COTL1: variants seen among roughly 807,000 people sequenced by gnomAD.
COTL1 encodes the protein coactosin-like protein.
Under a neutral mutation model 16.5 loss-of-function variants are expected in COTL1, and 15 were observed. The ratio of observed to expected loss-of-function variants is 0.91; its 90% confidence interval spans 0.61 to 1.40. COTL1 has a LOEUF of 1.40. Ranked by LOEUF, COTL1 falls within the 40% of genes most tolerant of loss-of-function variation. The probability of loss-of-function intolerance (pLI) is 0.00; values close to 1 mark genes in which losing one functional copy is unlikely to be tolerated. For synonymous variants in COTL1, 112 were observed against 85.3 expected (o/e 1.31, Z -1.73); for missense variants, 220 against 201.5 (o/e 1.09, Z -0.56).
chr16:84,569,820 G>C (rs576314575), intron 3 of COTL1, among the ~76,000 whole-genome samples: 5 of 152,352 alleles, frequency 3.3e-5, no homozygotes, highest in South Asian at 4.1e-4. Flanking sequence ...CGGCATGAGG[G>C]AGGGGCAGAG....
At chr16:84,591,932 C>T (rs1168661222) in intron 2 of COTL1, among the ~76,000 whole-genome samples, 5 of 152,078 alleles carry the variant, frequency 3.3e-5, no homozygotes, top group East Asian at 1.9e-4. Flanking sequence ...CGTGTGCATG[C>T]GGGTGCATGT....
intron 2 of COTL1, among the ~76,000 whole-genome samples, chr16:84,604,057 C>T (rs1032230062): frequency 1.2e-4 from 16 of 136,500 alleles, no homozygotes; most frequent in Non-Finnish European, 1.1e-4. Flanking sequence ...CTCCCGCTGC[C>T]CCACCACGGC....
intron 2 of COTL1, chr16:84,595,881 ATGTGTGTTATATATACATGTATGTGTATG>A (rs1325951800): frequency 5.3e-5 from 8 of 151,748 alleles, no homozygotes; most frequent in African/African-American, 1.9e-4. Context: ...GTATTTGTGT[ATGTGTGTTATATATACATGTATGTGTATG>A]TGTGTGTTAT....
intron 2 of COTL1, chr16:84,615,996 C>G (rs370668996): frequency 1.3e-5 from 2 of 152,306 alleles, no homozygotes; most frequent in South Asian, 4.1e-4. Flanking sequence ...AAGAAACACC[C>G]ACATGATCCC....
At chr16:84,576,203 G>A (rs762713875) in intron 3 of COTL1, 2 of 152,254 alleles carry the variant, frequency 1.3e-5, no homozygotes, top group Non-Finnish European at 2.9e-5. Flanking sequence ...AGGGAACAAG[G>A]AGGCCTGTCG....
Position 84,590,161 on chromosome 16 carries a change from C to A in COTL1, c.262G>T (p.Gly88Trp), listed in dbSNP as rs758152831. Residue 88 changes from glycine to tryptophan, a missense_variant, in exon 3 of 4, where the codon GGG becomes TGG. Transcript: ENST00000262428. This position sits in a 1 kb window ranked among gnomAD's most constrained non-coding sequence, Gnocchi z 5.5. ...GTCCCGGTTTTGGCGCGCTGCAGCCCGCTGACGTTCTCACCGATCCACGTG... is the reference window on the plus strand; with the variant it reads ...GTCCCGGTTTTGGCGCGCTGCAGCCAGCTGACGTTCTCACCGATCCACGTG... ...LITWIGENVS[G>W]LQRAKTGTDK... The A allele has an allele frequency of 6.2e-7, 1 of 1,614,022 alleles. No homozygotes were observed. The highest frequency in any genetic ancestry group is 1.3e-5 in the African/African-American group (1 of 74,916).
At position 84,590,167 on chromosome 16, in the gene COTL1, C is replaced by T. The variant is rs750865355; in HGVS notation, c.256G>A (p.Val86Ile). 1.6e-5 allele frequency: 26 copies of T among 1,614,054 alleles called. No individual in the cohort carries two copies. The highest frequency in any genetic ancestry group is 6.7e-5 in the African/African-American group (5 of 74,922). Residue 86 changes from valine (V) to isoleucine (I), a missense_variant, in exon 3 of 4, where the codon GTC (valine) becomes ATC (isoleucine). Val to Ile is a conservative substitution (Grantham distance 29). Coordinates refer to ENST00000262428, the MANE Select transcript of COTL1 (RefSeq NM_021149.5). The surrounding 1 kb of genome is among the most constrained non-coding windows in gnomAD (Gnocchi z 5.5). ...FALITWIGEN[V>I]SGLQRAKTGT... ...GTTTTGGCGCGCTGCAGCCCGCTGA[C>T]GTTCTCACCGATCCACGTGATGAGG...
At chr16:84,600,416 G>A (rs1439676424) in intron 2 of COTL1, among the ~76,000 whole-genome samples, 4 of 150,794 alleles carry the variant, frequency 2.7e-5, no homozygotes, top group Non-Finnish European at 4.4e-5. Flanking sequence ...GGGTTCAAGC[G>A]ATTCTCCTGC....
chr16:84,567,742 G>A (rs1244414003), intron 3 of COTL1: 2 of 152,234 alleles, frequency 1.3e-5, no homozygotes, highest in Non-Finnish European at 2.9e-5. Context: ...AGAACCCGCA[G>A]GCACCCATGA....
intron 3 of COTL1, among the ~76,000 whole-genome samples, chr16:84,578,395 C>T (rs777106801): frequency 2.0e-5 from 3 of 152,202 alleles, no homozygotes; most frequent in African/African-American, 4.8e-5. Flanking sequence ...ATACTATCTA[C>T]GTAACACTTC....
intron 3 of COTL1, among the ~76,000 whole-genome samples, chr16:84,573,342 C>A (rs892311266): frequency 6.6e-6 from 1 of 152,210 alleles, no homozygotes; most frequent in East Asian, 1.9e-4. Context: ...CTAGACAGAA[C>A]ACGAAAGCGT....
intron 3 of COTL1, among the ~76,000 whole-genome samples, chr16:84,584,071 C>G (rs1163297394): frequency 6.6e-6 from 1 of 152,254 alleles, no homozygotes; most frequent in Admixed American, 6.5e-5. Flanking sequence ...CCAGCGGTCA[C>G]TGCATTGTCC....
chr16:84,572,529 C>T (rs1442826204), intron 3 of COTL1, among the ~76,000 whole-genome samples: 5 of 151,988 alleles, frequency 3.3e-5, no homozygotes, highest in African/African-American at 4.8e-5. Flanking sequence ...GGTGCGATCT[C>T]GGCTCACTGC....
Position 84,590,377 on chromosome 16 carries a change from G to A in COTL1, c.161-115C>T. 3 of 1,248,426 alleles carry A rather than the reference G, an allele frequency of 2.4e-6. No individual in the cohort carries two copies. The highest frequency in any genetic ancestry group is 2.9e-5 in the South Asian group (2 of 69,804). 77.3% of individuals were successfully genotyped at this position (1,248,426 alleles called of 1,614,324 possible). ...CCTGGAGCAGCACAGCAGGAGACCG[G>A]TGCAGTTCCCTGGGAGCACCATGTG... On this transcript the variant is annotated intron_variant, in intron 2 of 3. Coordinates refer to ENST00000262428, the MANE Select transcript of COTL1 (RefSeq NM_021149.5). This position sits in a 1 kb window ranked among gnomAD's most constrained non-coding sequence, Gnocchi z 5.5.
At chr16:84,589,482 T>C (rs1246102133) in intron 3 of COTL1, among the ~76,000 whole-genome samples, 1 of 152,140 alleles carries the variant, frequency 6.6e-6, no homozygotes, top group Non-Finnish European at 1.5e-5. Context: ...CCCTACTTCA[T>C]GGGTTGTGAG....
In COTL1 at chr16:84,586,404, A is replaced by C. The variant is rs1007458643; in HGVS notation, c.318+3701T>G. ...CCCTCAGTCACCGGCGCACCTACCC[A>C]AACTGAAAAGAGTTCTAGAGAGGAA... is the stretch of plus-strand genomic sequence containing the variant. On this transcript the variant is annotated intron_variant, in intron 3 of 3. Transcript: ENST00000262428. 2.0e-5 allele frequency among the ~76,000 whole-genome samples: 3 copies of C among 152,264 alleles called. No individual in the cohort carries two copies. The Middle Eastern group carries it at 0.01, about 518-fold the overall frequency.
chr16:84,581,619 G>A (rs2967847), intron 3 of COTL1, among the ~76,000 whole-genome samples: 55,979 of 151,794 alleles, frequency 0.37, 11,561 homozygotes, highest in African/African-American at 0.56. Context: ...TTCTCCTGCC[G>A]CAGCCTCCGG....
chr16:84,606,395 C>T (rs1905211860), intron 2 of COTL1, among the ~76,000 whole-genome samples: 1 of 152,246 alleles, frequency 6.6e-6, no homozygotes, highest in Non-Finnish European at 1.5e-5. Context: ...TTTGCCTACT[C>T]AACAACATCT....
intron 2 of COTL1, among the ~76,000 whole-genome samples, chr16:84,612,273 C>T (rs1027521780): frequency 7.2e-5 from 11 of 152,080 alleles, no homozygotes; most frequent in African/African-American, 2.4e-4. Flanking sequence ...CCCAGGCAAT[C>T]GGACAAAACC....
Sources: allele counts gnomAD v4.1 joint callset (sites outside exome capture counted in the v4.1 genomes callset), GRCh38; gene constraint gnomAD v4.1.1; non-coding constraint Gnocchi (gnomAD v3.1); transcripts MANE v1.5; gene names NCBI Gene and HGNC (gene_info 2026-07-23, HGNC 2026-07-21).